ATRNL1: variants seen among roughly 807,000 people sequenced by gnomAD.
The protein encoded by ATRNL1 is attractin like 1.
A neutral mutation model predicts 182.7 loss-of-function variants in ATRNL1; 95 were observed. The observed-to-expected ratio is 0.52, with a 90% confidence interval of 0.44 to 0.62. The LOEUF (loss-of-function observed/expected upper bound fraction) is 0.62. Among genes scored for constraint, ATRNL1 ranks in the 20% least tolerant of loss-of-function variants. The pLI, the probability that ATRNL1 is intolerant of heterozygous loss-of-function variation, is 0.00. For missense variants in ATRNL1, 1,471 were observed against 1,679.5 expected (o/e 0.88, Z 2.17); for synonymous variants, 576 against 568.3 (o/e 1.01, Z -0.19).
chr10:115,384,826 T>G (rs1858240723), intron 19 of ATRNL1, among the ~76,000 whole-genome samples: 1 of 152,022 alleles, frequency 6.6e-6, no homozygotes, highest in African/African-American at 2.4e-5. Context: ...CGTTTCTGAT[T>G]TCTTTCACTC....
intron 19 of ATRNL1, among the ~76,000 whole-genome samples, chr10:115,349,797 T>G (rs1554940717): frequency 6.6e-6 from 1 of 152,106 alleles, no homozygotes; most frequent in Non-Finnish European, 1.5e-5. Context: ...TTTAATTGTA[T>G]TATTATTATT....
intron 26 of ATRNL1, among the ~76,000 whole-genome samples, chr10:115,623,340 A>T (rs1379475345): frequency 1.3e-5 from 2 of 152,196 alleles, no homozygotes; most frequent in African/African-American, 4.8e-5. Context: ...AAAAAATTGA[A>T]CCTGAAATGC....
intron 27 of ATRNL1, among the ~76,000 whole-genome samples, chr10:115,759,214 G>A (rs1555072879): frequency 6.6e-6 from 1 of 152,140 alleles, no homozygotes; most frequent in Non-Finnish European, 1.5e-5. Flanking sequence ...ATAAATTTTT[G>A]TTTTGATTTA....
chr10:115,320,399 A>G (rs569734296), intron 18 of ATRNL1, among the ~76,000 whole-genome samples: 1 of 152,036 alleles, frequency 6.6e-6, no homozygotes, highest in Non-Finnish European at 1.5e-5. Context: ...GGAGTGTGTT[A>G]GTGATGTTCT....
At chr10:115,724,265 T>C (rs1947526461) in intron 26 of ATRNL1, among the ~76,000 whole-genome samples, 1 of 152,194 alleles carries the variant, frequency 6.6e-6, no homozygotes, top group Admixed American at 6.5e-5. Flanking sequence ...CAGTTCCAAA[T>C]CTAAATTCAT....
intron 20 of ATRNL1, among the ~76,000 whole-genome samples, chr10:115,421,659 A>C (rs539414398): frequency 2.0e-4 from 31 of 152,274 alleles, no homozygotes; most frequent in African/African-American, 7.5e-4. Flanking sequence ...CATTCCTATC[A>C]AACTATGACA....
At chr10:115,920,518 A>T (rs1484222342) in intron 28 of ATRNL1, among the ~76,000 whole-genome samples, 1 of 152,226 alleles carries the variant, frequency 6.6e-6, no homozygotes, top group African/African-American at 2.4e-5. Flanking sequence ...TACCTGTGTT[A>T]TAGACACCCA....
At chr10:115,851,138 C>A (rs1555100410) in intron 28 of ATRNL1, among the ~76,000 whole-genome samples, 1 of 151,418 alleles carries the variant, frequency 6.6e-6, no homozygotes, top group African/African-American at 2.4e-5. Context: ...TTTTATCAGG[C>A]TCCTTGTTTG....
chr10:115,273,080 C>T (rs1488372157), intron 13 of ATRNL1, among the ~76,000 whole-genome samples: 2 of 152,110 alleles, frequency 1.3e-5, no homozygotes, highest in Non-Finnish European at 2.9e-5. Flanking sequence ...TGGCTGATTA[C>T]CTAGGGGGAT....
chr10:115,393,954 C>G (rs1003959510), intron 19 of ATRNL1, among the ~76,000 whole-genome samples: 5 of 151,992 alleles, frequency 3.3e-5, no homozygotes, highest in African/African-American at 1.2e-4. Context: ...GTCTAGTACT[C>G]TAAAAGGATG....
chr10:115,564,233 T>C (rs1253763327), intron 26 of ATRNL1, among the ~76,000 whole-genome samples: 1 of 152,038 alleles, frequency 6.6e-6, no homozygotes, highest in Non-Finnish European at 1.5e-5. Flanking sequence ...CATGCATGAA[T>C]GTAATATTGA....
chr10:115,685,819 A>G (rs782065671), intron 26 of ATRNL1, among the ~76,000 whole-genome samples: 6 of 151,730 alleles, frequency 4.0e-5, no homozygotes, highest in Non-Finnish European at 8.9e-5. Context: ...ATTGATGCCT[A>G]TATTATATTT....
chr10:115,456,220 G>C (rs1847516090), intron 21 of ATRNL1, among the ~76,000 whole-genome samples: 2 of 152,088 alleles, frequency 1.3e-5, no homozygotes, highest in African/African-American at 4.8e-5. Flanking sequence ...CAATAGCAAA[G>C]GCTTGGAACC....
At chr10:115,795,221 G>C (rs4751568) in intron 27 of ATRNL1, among the ~76,000 whole-genome samples, 1 of 151,870 alleles carries the variant, frequency 6.6e-6, no homozygotes, top group Non-Finnish European at 1.5e-5. Context: ...GGAAAACATA[G>C]CTATGTATAT....
At chr10:115,168,775 T>A (rs894919739) in intron 7 of ATRNL1, among the ~76,000 whole-genome samples, 1 of 152,108 alleles carries the variant, frequency 6.6e-6, no homozygotes, top group Non-Finnish European at 1.5e-5. Flanking sequence ...ACTTTCTTGA[T>A]GTTATCTTTT....
At chr10:115,325,381 A>G (rs1481770402) in intron 18 of ATRNL1, among the ~76,000 whole-genome samples, 2 of 152,228 alleles carry the variant, frequency 1.3e-5, no homozygotes, top group Non-Finnish European at 2.9e-5. Flanking sequence ...GAACATAACC[A>G]TAGGCTTACT....
chr10:115,235,852 C>A (rs577752044), intron 9 of ATRNL1, among the ~76,000 whole-genome samples: 20 of 152,194 alleles, frequency 1.3e-4, no homozygotes, highest in African/African-American at 4.8e-4. Flanking sequence ...TAAACCTTTA[C>A]ATAATAGTTT....
At chr10:115,584,971 A>G (rs2133897919) in intron 26 of ATRNL1, among the ~76,000 whole-genome samples, 1 of 148,170 alleles carries the variant, frequency 6.7e-6, no homozygotes, top group East Asian at 2.0e-4. Context: ...TTGGTTTCAA[A>G]AAACATCTTT....
chr10:115,411,035 C>T (rs1347027832), intron 20 of ATRNL1, among the ~76,000 whole-genome samples: 5 of 152,158 alleles, frequency 3.3e-5, no homozygotes, highest in Non-Finnish European at 5.9e-5. Context: ...CATGCTTGGC[C>T]TACCCCTTCA....
Sources: allele counts gnomAD v4.1 joint callset (sites outside exome capture counted in the v4.1 genomes callset), GRCh38; gene constraint gnomAD v4.1.1; transcripts MANE v1.5; gene names NCBI Gene and HGNC (gene_info 2026-07-23, HGNC 2026-07-21).